Variants in BCL11A observed in about 807,000 individuals in gnomAD.
BCL11A encodes B cell CLL/lymphoma 11A.
Under a neutral mutation model 55.9 loss-of-function variants are expected in BCL11A, and 2 were observed. The observed-to-expected ratio is 0.04, with a 90% CI of 0.01 to 0.11. BCL11A has a LOEUF of 0.11. Among genes scored for constraint, BCL11A ranks in the 10% least tolerant of loss-of-function variants. The pLI, the probability that BCL11A is intolerant of heterozygous loss-of-function variation, is 1.00. For missense variants in BCL11A, 817 were observed against 1,137.1 expected (o/e 0.72, Z 4.05); for synonymous variants, 465 against 473.4 (o/e 0.98, Z 0.23).
intron 2 of BCL11A, among the ~76,000 whole-genome samples, chr2:60,502,900 C>A (rs889384148): frequency 2.6e-5 from 4 of 152,102 alleles, no homozygotes; most frequent in African/African-American, 7.2e-5. Flanking sequence ...AGGAGTGAAC[C>A]AGTGAGAAAG....
At chr2:60,467,168 A>ATGATGGTGGTGG (rs1676704910) in intron 3 of BCL11A, among the ~76,000 whole-genome samples, 1 of 36,818 alleles carries the variant, frequency 2.7e-5, no homozygotes, top group Non-Finnish European at 5.5e-5. Flanking sequence ...GGTGGTGGTG[A>ATGATGGTGGTGG]TGGTGGTGGT....
chr2:60,547,387 T>C (rs1008239907), intron 1 of BCL11A, among the ~76,000 whole-genome samples: 1 of 152,160 alleles, frequency 6.6e-6, no homozygotes, highest in Non-Finnish European at 1.5e-5. Flanking sequence ...TGTTTGCTTT[T>C]TTTTTTAACT....
intron 2 of BCL11A, chr2:60,525,774 A>C (rs1669174908): frequency 6.6e-6 from 1 of 152,230 alleles, no homozygotes; most frequent in Admixed American, 6.5e-5. Context: ...TCTCTCTGTT[A>C]ACACTAAAAG....
At chr2:60,493,976 G>A (rs1013922547) in intron 2 of BCL11A, among the ~76,000 whole-genome samples, 10 of 152,190 alleles carry the variant, frequency 6.6e-5, no homozygotes, top group South Asian at 2.1e-4. Context: ...GGCAGTGGCG[G>A]AAGCTGATTA....
At chr2:60,468,617 T>C (rs1355655096) in intron 3 of BCL11A, 115 bp downstream of exon 3, 1 of 738,228 alleles carries the variant, frequency 1.4e-6, no homozygotes, top group Non-Finnish European at 2.3e-6. Context: ...GAATAATACA[T>C]ATGACAATCT....
At chr2:60,549,001 C>A (rs938490855) in intron 1 of BCL11A, among the ~76,000 whole-genome samples, 3 of 152,228 alleles carry the variant, frequency 2.0e-5, no homozygotes, top group African/African-American at 7.2e-5. Context: ...TCAACTCCAT[C>A]CTCCTTCGCC....
chr2:60,451,358 T>C (rs2103735719), exon 5 of BCL11A: 2 of 228,174 alleles, frequency 8.8e-6, no homozygotes, highest in East Asian at 1.3e-4. Flanking sequence ...CCTATTTTAA[T>C]TTGCTATGTT....
chr2:60,520,935 T>C (rs1261774910), intron 2 of BCL11A, among the ~76,000 whole-genome samples: 2 of 152,130 alleles, frequency 1.3e-5, no homozygotes, highest in African/African-American at 4.8e-5. Context: ...AAGAAAAAAT[T>C]ATTCCAGCTC....
chr2:60,553,359 G>A lies in BCL11A; in HGVS notation c.-89C>T. 2 of 1,355,074 alleles carry A rather than the reference G, an allele frequency of 1.5e-6. No homozygotes were observed. The highest frequency in any genetic ancestry group is 1.5e-5 in the African/African-American group (1 of 68,104). The allele number at this position is 1,355,074 out of a possible 1,614,324, so 83.9% of individuals were successfully genotyped here. On this transcript the variant is annotated 5_prime_UTR_variant, in exon 1 of 4. Transcript: ENST00000642384. ...CACATCGGGAGAGCCGGGTTAGAAA[G>A]AAGGAGACTCCAGAGAAAATATCTT...
Position 60,459,360 on chromosome 2 carries a change from C to A in BCL11A, c.*1044G>T. The A allele has an allele frequency of 9.8e-7, 1 of 1,019,468 alleles. No individual in the cohort carries two copies. The highest frequency in any genetic ancestry group is 1.2e-6 in the Non-Finnish European group (1 of 849,556). 63.2% of individuals were successfully genotyped at this position (1,019,468 alleles called of 1,614,324 possible). On this transcript the variant is annotated 3_prime_UTR_variant, in exon 4 of 4. Coordinates refer to ENST00000642384, the MANE Select transcript of BCL11A (RefSeq NM_022893.4). ...TTAATTGCGTTCCAGGGCTTTTGCA[C>A]ATTACACATTCAATTTAATCATTGT...
At chr2:60,495,317 C>T (rs1193073403) in intron 2 of BCL11A, among the ~76,000 whole-genome samples, 2 of 152,118 alleles carry the variant, frequency 1.3e-5, no homozygotes, top group African/African-American at 4.8e-5. Context: ...TTGTATTGAC[C>T]CTGGTGTGTT....
rs560904721 is a variant in BCL11A, at chr2:60,474,241, C to T, written c.386-5408G>A. On this transcript the variant is annotated intron_variant, in intron 2 of 3. Transcript: ENST00000642384. ...CCTTTATCTATAAAAATGCCAGCCA[C>T]CAATCTGTCAGGCCTAAACAAAATT... 2.0e-5 allele frequency among the ~76,000 whole-genome samples: 3 copies of T among 152,214 alleles called. No homozygotes were observed. In the South Asian group the frequency reaches 6.2e-4, roughly 32 times the overall value.
intron 2 of BCL11A, among the ~76,000 whole-genome samples, chr2:60,501,748 T>C (rs1679295999): frequency 6.6e-6 from 1 of 151,982 alleles, no homozygotes; most frequent in South Asian, 2.1e-4. Flanking sequence ...TCAGGTGATC[T>C]ACCCACCTCG....
intron 3 of BCL11A, among the ~76,000 whole-genome samples, chr2:60,465,277 C>T (rs957179031): frequency 1.3e-5 from 2 of 152,192 alleles, no homozygotes; most frequent in Non-Finnish European, 2.9e-5. Context: ...GAATTGATTT[C>T]CTGTGTGGCA....
chr2:60,529,751 C>A (rs1573065742), intron 2 of BCL11A, among the ~76,000 whole-genome samples: 1 of 152,314 alleles, frequency 6.6e-6, no homozygotes, highest in East Asian at 1.9e-4. Flanking sequence ...GTGATTTTAT[C>A]ACATTTTATA....
chr2:60,478,536 C>G (rs1204203574), intron 2 of BCL11A, among the ~76,000 whole-genome samples: 1 of 152,244 alleles, frequency 6.6e-6, no homozygotes, highest in African/African-American at 2.4e-5. Context: ...CTGTGACAGT[C>G]TTGGCCAAGA....
chr2:60,493,584 G>A (rs1678775213), intron 2 of BCL11A, among the ~76,000 whole-genome samples: 2 of 152,166 alleles, frequency 1.3e-5, no homozygotes, highest in South Asian at 4.1e-4. Flanking sequence ...ATTTGAATCA[G>A]GCCAAATAAA....
Position 60,458,216 on chromosome 2 carries a change from G to A in BCL11A, c.*2188C>T, listed in dbSNP as rs1676036748. On this transcript the variant is annotated 3_prime_UTR_variant, in exon 4 of 4. Coordinates refer to ENST00000642384, the MANE Select transcript of BCL11A (RefSeq NM_022893.4). ...TGTATTTTAGCATAGGAATCAACATGAGTGTGCATTTTCCTATATTTAAGT... is the reference window on the plus strand; with the variant it reads ...TGTATTTTAGCATAGGAATCAACATAAGTGTGCATTTTCCTATATTTAAGT... The A allele has an allele frequency of 1.2e-5, 12 of 1,023,432 alleles. No homozygotes were observed. Among genetic ancestry groups the A allele is most frequent in the Non-Finnish European group, 1.4e-5 (12 of 852,166 alleles). The allele number at this position is 1,023,432 out of a possible 1,614,324, so 63.4% of individuals were successfully genotyped here.
chr2:60,501,436 A>G (rs45562141), intron 2 of BCL11A, among the ~76,000 whole-genome samples: 9,624 of 151,960 alleles, frequency 0.063, 459 homozygotes, highest in Non-Finnish European at 0.09. Flanking sequence ...CCTGGTTTGT[A>G]AGTTCTCTTT....
Sources: gnomAD v4.1 joint callset for allele counts (sites outside exome capture counted in the v4.1 genomes callset) on GRCh38, gnomAD v4.1.1 for gene constraint, MANE v1.5 for transcripts, NCBI Gene and HGNC (gene_info 2026-07-23, HGNC 2026-07-21) for gene names.